The following DLG2 variants were observed in gnomAD, a reference collection of about 807,000 sequenced individuals.
DLG2 encodes the protein disks large homolog 2.
Under a neutral mutation model 132.5 loss-of-function variants are expected in DLG2, and 45 were observed. The observed-to-expected ratio is 0.34, with a 90% CI of 0.27 to 0.44. The LOEUF (loss-of-function observed/expected upper bound fraction) is 0.44. Among genes scored for constraint, DLG2 ranks in the 20% least tolerant of loss-of-function variants. The probability of loss-of-function intolerance (pLI) is 1.00; values close to 1 mark genes in which losing one functional copy is unlikely to be tolerated. For missense variants in DLG2, 1,045 were observed against 1,196.9 expected, an observed-to-expected ratio of 0.87 and a Z score of 1.87; for synonymous variants, 424 against 419.6, an observed-to-expected ratio of 1.01 and a Z score of -0.13.
At chr11:84,777,139 T>C (rs1483029397) in intron 6 of DLG2, among the ~76,000 whole-genome samples, 2 of 151,766 alleles carry the variant, frequency 1.3e-5, no homozygotes, top group East Asian at 3.9e-4. Flanking sequence ...AGTGAGAACA[T>C]GCAATATTTG....
At chr11:83,545,301 A>G (rs1261042724) in intron 19 of DLG2, among the ~76,000 whole-genome samples, 9 of 152,176 alleles carry the variant, frequency 5.9e-5, no homozygotes, top group Admixed American at 5.9e-4. Context: ...ATGAAATAAT[A>G]TATGTAAAGT....
intron 3 of DLG2, among the ~76,000 whole-genome samples, chr11:85,453,860 T>C (rs1245510333): frequency 6.6e-6 from 1 of 152,162 alleles, no homozygotes; most frequent in African/African-American, 2.4e-5. Flanking sequence ...AGGGGTTTGG[T>C]GTCCAGATTA....
intron 5 of DLG2, among the ~76,000 whole-genome samples, chr11:85,118,714 G>C (rs2073959052): frequency 1.3e-5 from 2 of 151,960 alleles, no homozygotes; most frequent in Non-Finnish European, 1.5e-5. Context: ...GTAGAGGAGA[G>C]AGTTTAATAC....
chr11:83,980,030 T>C (rs534381808), intron 12 of DLG2, among the ~76,000 whole-genome samples: 3 of 152,338 alleles, frequency 2.0e-5, no homozygotes, highest in African/African-American at 7.2e-5. Context: ...CTGCTGTCTC[T>C]TCTTTTCAAT....
chr11:84,310,627 T>G (rs963318460), intron 7 of DLG2, among the ~76,000 whole-genome samples: 1 of 152,194 alleles, frequency 6.6e-6, no homozygotes, highest in African/African-American at 2.4e-5. Context: ...TTTAATTCCT[T>G]CTGTGTTATC....
intron 6 of DLG2, among the ~76,000 whole-genome samples, chr11:84,818,411 A>G (rs1286420497): frequency 6.6e-6 from 1 of 151,876 alleles, no homozygotes; most frequent in Non-Finnish European, 1.5e-5. Flanking sequence ...TCTTCTTCCC[A>G]TAACTTTCCC....
intron 3 of DLG2, among the ~76,000 whole-genome samples, chr11:85,487,957 GT>G (rs2093468251): frequency 2.0e-5 from 3 of 152,346 alleles, no homozygotes; most frequent in African/African-American, 7.2e-5. Context: ...GAGGGACCCA[GT>G]GGGAGATAAT....
chr11:83,648,608 A>G (rs543042166), intron 18 of DLG2, among the ~76,000 whole-genome samples: 266 of 152,066 alleles, frequency 1.7e-3, no homozygotes, highest in Non-Finnish European at 3.2e-3. Flanking sequence ...TGCTAATAGA[A>G]CCCCTACATT....
At chr11:85,293,231 T>C (rs2079020770) in intron 3 of DLG2, among the ~76,000 whole-genome samples, 1 of 152,070 alleles carries the variant, frequency 6.6e-6, no homozygotes, top group Admixed American at 6.6e-5. Flanking sequence ...GGACAAAGAA[T>C]GTGGCATTGT....
intron 6 of DLG2, among the ~76,000 whole-genome samples, chr11:85,068,242 A>T (rs2065236263): frequency 6.6e-6 from 1 of 152,124 alleles, no homozygotes. Context: ...AACTGGCACA[A>T]GACAGGGATG....
At position 85,509,641 on chromosome 11, in the gene DLG2, CTAT is replaced by C. The variant is rs533139879; in HGVS notation, c.40+89013_40+89015del. Among the ~76,000 whole-genome samples the C allele has an allele frequency of 6.8e-3, 1,038 of 152,106 alleles. 7 individuals are homozygous for C. The highest frequency in any genetic ancestry group is 0.011 in the Non-Finnish European group (714 of 67,964). On this transcript the variant is annotated intron_variant, in intron 3 of 27. Transcript: ENST00000376104. ...CCTCCGATGTATCTAAAATGCAGAC[CTAT>C]TATTATTTTTCATTCATTTTATTCA... is the stretch of plus-strand genomic sequence containing the variant.
At chr11:85,006,975 T>A (rs2058713912) in intron 6 of DLG2, among the ~76,000 whole-genome samples, 2 of 152,310 alleles carry the variant, frequency 1.3e-5, no homozygotes, top group Admixed American at 1.3e-4. Flanking sequence ...CCCATCTCCA[T>A]AATATTTTAA....
intron 6 of DLG2, among the ~76,000 whole-genome samples, chr11:84,774,694 A>G (rs1441131016): frequency 1.3e-5 from 2 of 152,160 alleles, no homozygotes; most frequent in Non-Finnish European, 2.9e-5. Flanking sequence ...CAATGGAGAG[A>G]GGACTTTCTA....
At position 85,282,593 on chromosome 11, in the gene DLG2, T is replaced by C. The variant is rs1044717259; in HGVS notation, c.186+2627A>G. ...TGCAGGGAGGATAGAGCTGATACAG[T>C]ATAAGCGGAAAGTGAGTGAAAGGGG... On this transcript the variant is annotated intron_variant, in intron 4 of 27. Coordinates refer to ENST00000376104, the MANE Select transcript of DLG2 (RefSeq NM_001142699.3). Among the ~76,000 whole-genome samples, 4 of 151,874 alleles carry C rather than the reference T, an allele frequency of 2.6e-5. No homozygotes were observed. In the Admixed American group the frequency reaches 2.6e-4, roughly 10 times the overall value.
At position 83,733,447 on chromosome 11, in the gene DLG2, TA is replaced by T. The variant is rs1178116750; in HGVS notation, c.1825+53242del. On this transcript the variant is annotated intron_variant, in intron 18 of 27. Transcript: ENST00000376104. ...AGGGTTTCTTTGCATAAAGATTAAC[TA>T]ATGTATTTGGTATTTGATTTTCAGT... is the stretch of plus-strand genomic sequence containing the variant. Among the ~76,000 whole-genome samples, 4 of 152,126 alleles carry T rather than the reference TA, an allele frequency of 2.6e-5. No homozygotes were observed. The East Asian group carries it at 5.8e-4, about 22-fold the overall frequency.
chr11:84,536,745 T>C (rs2099356444), intron 6 of DLG2, among the ~76,000 whole-genome samples: 1 of 152,226 alleles, frequency 6.6e-6, no homozygotes. Context: ...ATCCTGTCTT[T>C]TGCCTGCTGC....
Position 84,995,719 on chromosome 11 carries a change from A to AT in DLG2, c.357+115941dup, listed in dbSNP as rs1158945869. ...AGCCCAACTTAAAGTAACTTAAGCA[A>AT]TTTTTTTTTAAAAAAAAAGAGGAAT... On this transcript the variant is annotated intron_variant, in intron 6 of 27. Coordinates refer to ENST00000376104, the MANE Select transcript of DLG2 (RefSeq NM_001142699.3). 5.4e-3 allele frequency among the ~76,000 whole-genome samples: 823 copies of AT among 151,904 alleles called. 4 individuals carry two copies. The highest frequency in any genetic ancestry group is 6.4e-3 in the Non-Finnish European group (438 of 67,920).
At chr11:85,483,551 T>A (rs889749886) in intron 3 of DLG2, among the ~76,000 whole-genome samples, 6 of 152,004 alleles carry the variant, frequency 3.9e-5, no homozygotes, top group African/African-American at 1.4e-4. Context: ...TAAAACTCAA[T>A]GGTAAAAGAA....
intron 16 of DLG2, among the ~76,000 whole-genome samples, chr11:83,842,456 T>C (rs2154019854): frequency 7.4e-6 from 1 of 135,648 alleles, no homozygotes; most frequent in South Asian, 2.5e-4. Flanking sequence ...TAGCTGGGTG[T>C]GGTAGCGTGC....
Sources: allele counts gnomAD v4.1 joint callset (sites outside exome capture counted in the v4.1 genomes callset), GRCh38; gene constraint gnomAD v4.1.1; transcripts MANE v1.5; gene names NCBI Gene and HGNC (gene_info 2026-07-23, HGNC 2026-07-21).